P2RY14: variants seen among roughly 807,000 people sequenced by gnomAD.
The protein encoded by P2RY14 is purinergic receptor P2Y14.
In P2RY14, 2 loss-of-function variants were observed where a neutral mutation model predicts 0.9. The ratio of observed to expected loss-of-function variants is 2.16; its 90% CI spans 0.88 to 6.79. The LOEUF (loss-of-function observed/expected upper bound fraction) is 6.79, where lower values mean the gene tolerates loss of function less well. P2RY14 is among the 30% of genes most tolerant of loss of function. P2RY14 has a pLI of 0.05. For synonymous variants in P2RY14, 158 were observed against 147.2 expected, an observed-to-expected ratio of 1.07 and a Z score of -0.53; for missense variants, 378 against 400.1, an observed-to-expected ratio of 0.94 and a Z score of 0.47.
intron 1 of P2RY14, among the ~76,000 whole-genome samples, chr3:151,249,562 G>T (rs1318073409): frequency 6.6e-6 from 1 of 152,042 alleles, no homozygotes; most frequent in Non-Finnish European, 1.5e-5. Flanking sequence ...TGGGACTTGG[G>T]GGATTTGCTC....
chr3:151,254,793 C>T (rs1737515262), intron 1 of P2RY14, among the ~76,000 whole-genome samples: 1 of 152,180 alleles, frequency 6.6e-6, no homozygotes, highest in Non-Finnish European at 1.5e-5. Context: ...ACCGGAGAGA[C>T]CTCTAGCTTA....
intron 1 of P2RY14, among the ~76,000 whole-genome samples, chr3:151,230,531 CTG>C (rs1176612453): frequency 6.6e-6 from 1 of 150,936 alleles, no homozygotes; most frequent in Admixed American, 6.6e-5. Flanking sequence ...CATCCTTGGA[CTG>C]TGAAACGTGC....
At chr3:151,219,463 A>G (rs1728895013) in intron 2 of P2RY14, 72 bp downstream of exon 2, 1 of 152,218 alleles carries the variant, frequency 6.6e-6, no homozygotes, top group African/African-American at 2.4e-5. Flanking sequence ...TGAAGAAAAG[A>G]ATTTTTTCTT....
At chr3:151,240,602 A>G (rs1316620522) in intron 1 of P2RY14, among the ~76,000 whole-genome samples, 7 of 152,038 alleles carry the variant, frequency 4.6e-5, no homozygotes, top group Non-Finnish European at 1.0e-4. Context: ...ATTCAAATCT[A>G]GTTGTTTATC....
intron 1 of P2RY14, among the ~76,000 whole-genome samples, chr3:151,264,468 T>A (rs1739462353): frequency 6.6e-6 from 1 of 152,230 alleles, no homozygotes; most frequent in Admixed American, 6.5e-5. Context: ...TCTCAGAAAT[T>A]CAAACCTGAG....
intron 1 of P2RY14, among the ~76,000 whole-genome samples, chr3:151,223,704 C>A (rs4680250): frequency 6.6e-6 from 1 of 152,016 alleles, no homozygotes; most frequent in Non-Finnish European, 1.5e-5. Context: ...AGGTAGGAAG[C>A]GGGGAAATGG....
chr3:151,268,873 C>T (rs564290657), intron 1 of P2RY14, among the ~76,000 whole-genome samples: 20 of 152,248 alleles, frequency 1.3e-4, no homozygotes, highest in African/African-American at 3.6e-4. Flanking sequence ...CCTTCCCAAC[C>T]TTCGGTTGGT....
chr3:151,232,410 A>AT (rs1478899735), intron 1 of P2RY14, among the ~76,000 whole-genome samples: 7 of 152,198 alleles, frequency 4.6e-5, no homozygotes, highest in Admixed American at 4.6e-4. Flanking sequence ...CAGAACTACC[A>AT]TTTGACCCAG....
chr3:151,267,546 C>T (rs1740067575), intron 1 of P2RY14, among the ~76,000 whole-genome samples: 1 of 152,126 alleles, frequency 6.6e-6, no homozygotes, highest in Admixed American at 6.5e-5. Flanking sequence ...GAGCCTCGGT[C>T]CTTGCTTAGA....
intron 1 of P2RY14, among the ~76,000 whole-genome samples, chr3:151,242,933 A>G (rs1303580163): frequency 8.6e-5 from 13 of 150,992 alleles, no homozygotes; most frequent in African/African-American, 3.2e-4. Context: ...GAGCTGATGG[A>G]GCTGAAAACC....
chr3:151,272,988 C>T (rs1401113462), intron 1 of P2RY14, among the ~76,000 whole-genome samples: 1 of 152,108 alleles, frequency 6.6e-6, no homozygotes, highest in Non-Finnish European at 1.5e-5. Flanking sequence ...GCTGACATGA[C>T]TCTCAAAAGA....
At chr3:151,241,937 A>ACC (rs1734197957) in intron 1 of P2RY14, 1 of 153,014 alleles carries the variant, frequency 6.5e-6, no homozygotes, top group African/African-American at 2.4e-5. Context: ...GAGCCGAAGC[A>ACC]GGGCGAGGCA....
intron 1 of P2RY14, among the ~76,000 whole-genome samples, chr3:151,226,999 A>G (rs1730631714): frequency 6.6e-6 from 1 of 152,204 alleles, no homozygotes; most frequent in South Asian, 2.1e-4. Context: ...TGGCACAAGG[A>G]GAGCTCTGCT....
chr3:151,231,910 A>G (rs1296565371), intron 1 of P2RY14, among the ~76,000 whole-genome samples: 1 of 152,182 alleles, frequency 6.6e-6, no homozygotes, highest in Non-Finnish European at 1.5e-5. Context: ...CAAGAAAACA[A>G]AGTGTTATGT....
At chr3:151,229,215 T>G (rs1030367399) in intron 1 of P2RY14, among the ~76,000 whole-genome samples, 1 of 152,200 alleles carries the variant, frequency 6.6e-6, no homozygotes, top group African/African-American at 2.4e-5. Flanking sequence ...TGTTGTATGT[T>G]TCCTCCCTGT....
chr3:151,264,074 C>G (rs769494017), intron 1 of P2RY14, among the ~76,000 whole-genome samples: 3 of 152,174 alleles, frequency 2.0e-5, no homozygotes, highest in Admixed American at 6.5e-5. Context: ...TTGAGTAGTT[C>G]TACTTCATTT....
At chr3:151,249,391 G>C (rs1487570012) in intron 1 of P2RY14, among the ~76,000 whole-genome samples, 1 of 150,750 alleles carries the variant, frequency 6.6e-6, no homozygotes, top group South Asian at 2.2e-4. Flanking sequence ...AAAAATATTT[G>C]AGAGTAAAAC....
intron 1 of P2RY14, among the ~76,000 whole-genome samples, chr3:151,251,706 C>T (rs1042566761): frequency 2.0e-5 from 3 of 152,258 alleles, no homozygotes; most frequent in Admixed American, 6.5e-5. Flanking sequence ...TGGTTCTTGC[C>T]CCATTGCTTG....
rs142889529 is a variant in P2RY14 at position 151,249,971 on chromosome 3, C to T, written c.-133+28316G>A. ...CTTCTGTCCTAGAGAGGCATGCTCA[C>T]GATCAATCATGCCTGTTATCATTAT... On this transcript the variant is annotated intron_variant, in intron 1 of 2. Coordinates refer to ENST00000309170, the MANE Select transcript of P2RY14 (RefSeq NM_014879.4). 2.1e-3 allele frequency among the ~76,000 whole-genome samples: 315 copies of T among 152,254 alleles called. 1 individual carries two copies. Among genetic ancestry groups the T allele is most frequent in the African/African-American group, 6.9e-3 (287 of 41,522 alleles).
Sources: gnomAD v4.1 joint callset for allele counts (sites outside exome capture counted in the v4.1 genomes callset) on GRCh38, gnomAD v4.1.1 for gene constraint, MANE v1.5 for transcripts, NCBI Gene and HGNC (gene_info 2026-07-23, HGNC 2026-07-21) for gene names.